The following TRAK1 variants were observed in gnomAD, a reference collection of about 807,000 sequenced individuals.
TRAK1 encodes trafficking kinesin-binding protein 1.
TRAK1 carries 33 observed loss-of-function variants against 92.1 expected under a neutral mutation model. The observed-to-expected ratio is 0.36, with a 90% CI of 0.27 to 0.48. The LOEUF (loss-of-function observed/expected upper bound fraction) is 0.48, where lower values mean the gene tolerates loss of function less well. Ranked by LOEUF, TRAK1 falls within the 20% of genes least tolerant of loss-of-function variation. The pLI is 0.99. For synonymous variants in TRAK1, 521 were observed against 517.3 expected (o/e 1.01, Z -0.10); for missense variants, 1,123 against 1,257.9 (o/e 0.89, Z 1.62).
intron 1 of TRAK1, among the ~76,000 whole-genome samples, chr3:42,070,399 T>TC (rs2148936985): frequency 6.6e-6 from 1 of 151,888 alleles, no homozygotes; most frequent in Non-Finnish European, 1.5e-5. Context: ...ACATTTTTTT[T>TC]CCTGAAAACT....
chr3:42,202,536 C>G lies in TRAK1; in HGVS notation c.1528C>G (p.Leu510Val). The G allele has an allele frequency of 6.4e-7, 1 of 1,563,972 alleles. No homozygotes were observed. The highest frequency in any genetic ancestry group is 8.7e-7 in the Non-Finnish European group (1 of 1,148,020). The change falls in exon 13 of 16, where the codon CTC (leucine) becomes GTC (valine). Residue 510 changes from leucine to valine, a missense_variant. Coordinates refer to ENST00000327628, the MANE Select transcript of TRAK1 (RefSeq NM_001042646.3). The surrounding 1 kb of genome is among the most constrained non-coding windows in gnomAD (Gnocchi z 6.1). ...GCTGTCCCTGCGCCGGGAGAACTAC[C>G]TCTCGGAGAGGAGGTTCTTTGAGGA... The part of the protein sequence containing the change: ...RRLSLRRENY[L>V]SERRFFEEEQ...
At chr3:42,073,247 TC>T (rs1207733265) in intron 1 of TRAK1, among the ~76,000 whole-genome samples, 1 of 152,178 alleles carries the variant, frequency 6.6e-6, no homozygotes, top group Non-Finnish European at 1.5e-5. Context: ...GTCATCTCCT[TC>T]CCTGCGCCTT....
intron 1 of TRAK1, among the ~76,000 whole-genome samples, chr3:42,120,272 C>T (rs1460601415): frequency 6.6e-6 from 1 of 152,062 alleles, no homozygotes; most frequent in East Asian, 1.9e-4. Context: ...GACCTTTGGG[C>T]TTTGGGATTG....
chr3:42,219,256 C>T (rs1164725481), intron 14 of TRAK1: 3 of 984,912 alleles, frequency 3.0e-6, no homozygotes, highest in African/African-American at 1.8e-5. Context: ...GATGAGAAAC[C>T]TAGTCTGGAT....
At chr3:42,201,145 G>A in intron 12 of TRAK1, 91 bp downstream of exon 12, 1 of 1,349,784 alleles carries the variant, frequency 7.4e-7, no homozygotes, top group Admixed American at 1.8e-5. Context: ...TAAGAGGGAG[G>A]TAGATGAGAG....
intron 1 of TRAK1, among the ~76,000 whole-genome samples, chr3:42,070,187 G>A (rs1703860019): frequency 6.6e-6 from 1 of 150,692 alleles, no homozygotes; most frequent in Non-Finnish European, 1.5e-5. Context: ...GGGTGTGAGT[G>A]AGCTTGTTAC....
chr3:42,149,337 C>A (rs1359372014), intron 2 of TRAK1: 20 of 1,433,822 alleles, frequency 1.4e-5, no homozygotes, highest in Non-Finnish European at 1.8e-5. Flanking sequence ...CTCCCTCCTT[C>A]CCCCATAGAA....
chr3:42,116,409 A>G (rs1709170559), intron 1 of TRAK1, among the ~76,000 whole-genome samples: 1 of 152,376 alleles, frequency 6.6e-6, no homozygotes, highest in East Asian at 1.9e-4. Flanking sequence ...CTAAAGCTGT[A>G]AACTGCATAG....
chr3:42,026,791 CTGGGATTACAGGCG>C (rs1701937891), intron 1 of TRAK1, among the ~76,000 whole-genome samples: 1 of 152,142 alleles, frequency 6.6e-6, no homozygotes, highest in South Asian at 2.1e-4. Context: ...TCCCAAAGTG[CTGGGATTACAGGCG>C]TGAGCCACTG....
At chr3:42,141,823 C>T (rs948829559) in intron 2 of TRAK1, among the ~76,000 whole-genome samples, 6 of 152,122 alleles carry the variant, frequency 3.9e-5, no homozygotes, top group African/African-American at 1.4e-4. Flanking sequence ...ATGATGTCAT[C>T]TCAAGACTTT....
At chr3:42,131,152 A>G (rs1461726439) in intron 2 of TRAK1, among the ~76,000 whole-genome samples, 4 of 152,070 alleles carry the variant, frequency 2.6e-5, no homozygotes, top group African/African-American at 7.2e-5. Context: ...AGTATCTGGC[A>G]TGGAGTTTAA....
At chr3:42,055,186 C>T (rs971627861) in intron 1 of TRAK1, among the ~76,000 whole-genome samples, 4 of 152,048 alleles carry the variant, frequency 2.6e-5, no homozygotes, top group African/African-American at 9.7e-5. Context: ...TCCCAAAGTG[C>T]TGGGATTACA....
chr3:42,067,537 T>A (rs1240023389), intron 1 of TRAK1, among the ~76,000 whole-genome samples: 1 of 152,236 alleles, frequency 6.6e-6, no homozygotes, highest in African/African-American at 2.4e-5. Flanking sequence ...AATGAAACTT[T>A]TCAAAATACA....
At chr3:42,093,646 TCTCCCCTTCCCTTCCCTTCCCTCCC>T (rs1559755463) in intron 1 of TRAK1, among the ~76,000 whole-genome samples, 40 of 62,162 alleles carry the variant, frequency 6.4e-4, no homozygotes, top group Non-Finnish European at 1.0e-3. Flanking sequence ...TTCTCTTTTT[TCTCCCCTTCCCTTCCCTTCCCTCCC>T]CTCCCCTCCC....
intron 2 of TRAK1, among the ~76,000 whole-genome samples, chr3:42,157,084 G>A (rs949949210): frequency 2.0e-5 from 3 of 151,750 alleles, no homozygotes; most frequent in Admixed American, 6.6e-5. Context: ...CCCAGGAGGC[G>A]GAGGTTGCAG....
At chr3:42,036,327 C>A (rs565817499) in intron 1 of TRAK1, among the ~76,000 whole-genome samples, 48 of 152,318 alleles carry the variant, frequency 3.2e-4, no homozygotes, top group South Asian at 1.9e-3. Context: ...GTGCCTGGTA[C>A]ATAGTAGGTA....
At position 42,209,863 on chromosome 3, in the gene TRAK1, C is replaced by T. The variant is rs528509708; in HGVS notation, c.1841C>T (p.Thr614Met). The T allele has an allele frequency of 1.5e-5, 25 of 1,614,228 alleles. No individual in the cohort carries two copies. The highest frequency in any genetic ancestry group is 3.3e-5 in the South Asian group (3 of 91,088). ...RPGVVTKGFR[T>M]LDVDLDEVYC... Reference sequence around the variant, plus strand: ...GGTGTGGTCACCAAGGGCTTCCGGACGCTGGATGTTGACCTGGACGAAGTG... The same window carrying T: ...GGTGTGGTCACCAAGGGCTTCCGGATGCTGGATGTTGACCTGGACGAAGTG... The change falls in exon 14 of 16, where the codon ACG becomes ATG. Residue 614 changes from threonine (T) to methionine (M), a missense_variant. Transcript: ENST00000327628.
At chr3:42,207,718 G>A (rs1369779259) in intron 13 of TRAK1, among the ~76,000 whole-genome samples, 1 of 152,172 alleles carries the variant, frequency 6.6e-6, no homozygotes, top group African/African-American at 2.4e-5. Context: ...CCCACGAACT[G>A]GTCTCTGCAG....
intron 1 of TRAK1, among the ~76,000 whole-genome samples, chr3:42,061,820 T>A (rs138664095): frequency 2.2e-3 from 329 of 152,342 alleles, no homozygotes; most frequent in African/African-American, 7.6e-3. Context: ...CTGCATGGAT[T>A]TGAGCTTTAT....
Sources: gnomAD v4.1 joint callset for allele counts (sites outside exome capture counted in the v4.1 genomes callset) on GRCh38, gnomAD v4.1.1 for gene constraint, Gnocchi (gnomAD v3.1) non-coding constraint, MANE v1.5 for transcripts, NCBI Gene and HGNC (gene_info 2026-07-23, HGNC 2026-07-21) for gene names.